CNBD1: variants seen among roughly 807,000 people sequenced by gnomAD.
CNBD1 encodes cyclic nucleotide-binding domain-containing protein 1.
A neutral mutation model predicts 54.4 loss-of-function variants in CNBD1; 71 were observed. The observed-to-expected ratio is 1.30, with a 90% CI of 1.08 to 1.59. CNBD1 has a LOEUF of 1.59. CNBD1 is among the 40% of genes most tolerant of loss of function. The probability of loss-of-function intolerance (pLI) is 0.00; values close to 1 mark genes in which losing one functional copy is unlikely to be tolerated. For synonymous variants in CNBD1, 182 were observed against 170.7 expected, an observed-to-expected ratio of 1.07 and a Z score of -0.51; for missense variants, 659 against 518.0, an observed-to-expected ratio of 1.27 and a Z score of -2.64.
At chr8:87,343,529 A>G (rs1159551971) in intron 8 of CNBD1, among the ~76,000 whole-genome samples, 1 of 152,186 alleles carries the variant, frequency 6.6e-6, no homozygotes, top group Non-Finnish European at 1.5e-5. Flanking sequence ...AACAAAAAAC[A>G]GATTATAAAA....
At chr8:87,001,652 A>AT (rs1415850680) in intron 4 of CNBD1, among the ~76,000 whole-genome samples, 2 of 152,134 alleles carry the variant, frequency 1.3e-5, no homozygotes, top group Non-Finnish European at 2.9e-5. Flanking sequence ...GTAATCACTC[A>AT]TTTTTTCACT....
chr8:87,101,732 G>T (rs540457556), intron 4 of CNBD1, among the ~76,000 whole-genome samples: 2 of 151,994 alleles, frequency 1.3e-5, no homozygotes, highest in Non-Finnish European at 2.9e-5. Context: ...ATGTATGCTA[G>T]AATATTAAGA....
rs533585308 is a variant in CNBD1 at position 87,203,458 on chromosome 8, T to C, written c.432-2535T>C. 3.8e-4 allele frequency among the ~76,000 whole-genome samples: 58 copies of C among 152,296 alleles called. 1 individual carries two copies. The South Asian group carries it at 0.012, about 31-fold the overall frequency. ...TTTGATATGCTGCACTTTATCTCTGTGTCAGTTCACTTCCCATTGGCTAGA... is the reference window on the plus strand; with the variant it reads ...TTTGATATGCTGCACTTTATCTCTGCGTCAGTTCACTTCCCATTGGCTAGA... On this transcript the variant is annotated intron_variant, in intron 4 of 10. Coordinates refer to ENST00000518476, the MANE Select transcript of CNBD1 (RefSeq NM_173538.3).
rs574058166 is a variant in CNBD1, at chr8:87,130,501, G to T, written c.432-75492G>T. 7.1e-4 allele frequency among the ~76,000 whole-genome samples: 108 copies of T among 152,178 alleles called. 2 individuals are homozygous for T. In the South Asian group the frequency reaches 0.021, roughly 30 times the overall value. ...CTTTTAAAAATTCCTGAGAGGCTGG[G>T]TGTGGTGGTTCACACCTCTAATTCT... On this transcript the variant is annotated intron_variant, in intron 4 of 10. Transcript: ENST00000518476.
intron 8 of CNBD1, among the ~76,000 whole-genome samples, chr8:87,295,108 A>C (rs1043532785): frequency 2.0e-5 from 3 of 151,966 alleles, no homozygotes; most frequent in African/African-American, 7.2e-5. Context: ...TAATGATTTC[A>C]TTAACAGTCT....
At chr8:87,194,878 T>C (rs1453954725) in intron 4 of CNBD1, among the ~76,000 whole-genome samples, 2 of 151,956 alleles carry the variant, frequency 1.3e-5, no homozygotes, top group Non-Finnish European at 2.9e-5. Context: ...TTGTTTTTTG[T>C]TTTGTTTGTT....
intron 1 of CNBD1, among the ~76,000 whole-genome samples, chr8:86,881,980 A>G (rs892121016): frequency 1.3e-5 from 2 of 152,192 alleles, no homozygotes; most frequent in Admixed American, 6.5e-5. Context: ...GGCTAGCTAT[A>G]AGCAGAAAAT....
rs375617942 is a variant in CNBD1 at position 87,275,511 on chromosome 8, A to G, written c.772-9167A>G. On this transcript the variant is annotated intron_variant, in intron 6 of 10. Coordinates refer to ENST00000518476, the MANE Select transcript of CNBD1 (RefSeq NM_173538.3). ...AATAGATGCAGAAAAGGCCTTTGAC[A>G]AAATTCAACAACACTTCATGCTAAA... Among the ~76,000 whole-genome samples the G allele has an allele frequency of 1.5e-4, 21 of 140,322 alleles. No individual in the cohort carries two copies. In the East Asian group the frequency reaches 2.0e-3, roughly 14 times the overall value. The allele number at this position is 140,322 out of a possible 152,430, so 92.1% of individuals were successfully genotyped here. A position where few individuals can be genotyped will look rare whatever the true frequency, so the allele number is the denominator to read the frequency against.
At chr8:87,231,434 GCTCTACCA>G (rs1814688154) in intron 5 of CNBD1, among the ~76,000 whole-genome samples, 1 of 152,090 alleles carries the variant, frequency 6.6e-6, no homozygotes, top group East Asian at 1.9e-4. Flanking sequence ...TCAAATACTG[GCTCTACCA>G]CTACTAGCTC....
chr8:86,905,972 C>A (rs1364032536), intron 3 of CNBD1, among the ~76,000 whole-genome samples: 1 of 152,208 alleles, frequency 6.6e-6, no homozygotes, highest in Admixed American at 6.5e-5. Flanking sequence ...GGCTACCCCA[C>A]TGCCATACTC....
At chr8:87,128,152 C>T (rs1262077272) in intron 4 of CNBD1, among the ~76,000 whole-genome samples, 1 of 152,194 alleles carries the variant, frequency 6.6e-6, no homozygotes, top group African/African-American at 2.4e-5. Flanking sequence ...TCAATAAAAC[C>T]CCTGCATTCA....
chr8:87,270,701 T>G (rs1808345746), intron 6 of CNBD1, among the ~76,000 whole-genome samples: 1 of 151,928 alleles, frequency 6.6e-6, no homozygotes, highest in African/African-American at 2.4e-5. Context: ...TTAAAAAAAT[T>G]TATTTATTTA....
chr8:87,059,654 T>G (rs1224404824), intron 4 of CNBD1, among the ~76,000 whole-genome samples: 1 of 152,218 alleles, frequency 6.6e-6, no homozygotes, highest in Non-Finnish European at 1.5e-5. Context: ...GAGAACTCAC[T>G]CACTATCACA....
At chr8:87,325,708 A>T (rs1003049016) in intron 8 of CNBD1, among the ~76,000 whole-genome samples, 1 of 141,370 alleles carries the variant, frequency 7.1e-6, no homozygotes, top group Non-Finnish European at 1.5e-5. Context: ...TCTGCATGTG[A>T]GATGGGTTTC....
At chr8:87,303,086 T>C (rs202223274) in intron 8 of CNBD1, among the ~76,000 whole-genome samples, 11,366 of 150,918 alleles carry the variant, frequency 0.075, 621 homozygotes, top group Non-Finnish European at 0.11. Flanking sequence ...GATTCAATGC[T>C]ATCCCCATCA....
At chr8:87,077,745 A>T (rs1159256158) in intron 4 of CNBD1, among the ~76,000 whole-genome samples, 1 of 151,758 alleles carries the variant, frequency 6.6e-6, no homozygotes, top group Admixed American at 6.6e-5. Flanking sequence ...AAGGACATGA[A>T]CTCATCCTTT....
At chr8:87,363,164 C>T (rs1444271374) in intron 10 of CNBD1, among the ~76,000 whole-genome samples, 1 of 152,032 alleles carries the variant, frequency 6.6e-6, no homozygotes, top group Non-Finnish European at 1.5e-5. Context: ...TTATCCATGT[C>T]CCTGCAAAGG....
intron 8 of CNBD1, among the ~76,000 whole-genome samples, chr8:87,334,168 T>A (rs1809893967): frequency 6.6e-6 from 1 of 152,210 alleles, no homozygotes; most frequent in South Asian, 2.1e-4. Flanking sequence ...TTTGTTTGCA[T>A]AGAGGTGTTT....
At chr8:87,117,538 G>A (rs1811800372) in intron 4 of CNBD1, among the ~76,000 whole-genome samples, 1 of 152,084 alleles carries the variant, frequency 6.6e-6, no homozygotes, top group African/African-American at 2.4e-5. Context: ...TCACTCTAGG[G>A]ACATCTTATT....
Sources: allele counts gnomAD v4.1 joint callset (sites outside exome capture counted in the v4.1 genomes callset), GRCh38; gene constraint gnomAD v4.1.1; transcripts MANE v1.5; gene names NCBI Gene and HGNC (gene_info 2026-07-23, HGNC 2026-07-21).